The following USP42 variants were observed in gnomAD, a reference collection of about 807,000 sequenced individuals.
USP42 encodes the protein ubiquitin specific peptidase 42.
Under a neutral mutation model 113.0 loss-of-function variants are expected in USP42, and 23 were observed. The ratio of observed to expected loss-of-function variants is 0.20; its 90% CI spans 0.15 to 0.29. The LOEUF (loss-of-function observed/expected upper bound fraction) is 0.29. Among genes scored for constraint, USP42 ranks in the 10% least tolerant of loss-of-function variants. USP42 has a pLI of 1.00. For missense variants in USP42, 2,174 were observed against 1,779.8 expected (o/e 1.22, Z -3.99); for synonymous variants, 933 against 699.0 (o/e 1.33, Z -5.28).
rs199569334 is a variant in USP42 at position 6,153,934 on chromosome 7, A to G, written c.2380A>G (p.Met794Val). The part of the protein sequence containing the change: ...PATKEGAWEA[M>V]AVAPEEPPPS... ...TACCAAAGAAGGCGCCTGGGAGGCC[A>G]TGGCCGTCGCCCCCGAGGAGCCTCC... Residue 794 changes from methionine to valine, a missense_variant, in exon 15 of 18, where the codon ATG (methionine) becomes GTG (valine). By Grantham distance (21) the Met-to-Val change is conservative. Transcript: ENST00000306177. 2.8e-3 allele frequency: 4,484 copies of G among 1,599,732 alleles called. 8 individuals are homozygous for G. The highest frequency in any genetic ancestry group is 3.1e-3 in the Non-Finnish European group (3,599 of 1,175,674).
At chr7:6,092,211 T>A in the USP42 span, among the ~76,000 whole-genome samples, 2 of 144,242 alleles carry the variant, frequency 1.4e-5, no homozygotes, top group African/African-American at 5.4e-5. Context: ...AGATTCTCGC[T>A]TTGTCGCCCA....
Position 6,158,670 on chromosome 7 carries a change from G to A in USP42, c.3944-780G>A, listed in dbSNP as rs754303445. Among the ~76,000 whole-genome samples the A allele has an allele frequency of 1.3e-5, 2 of 152,224 alleles. No homozygotes were observed. The highest frequency in any genetic ancestry group is 2.9e-5 in the Non-Finnish European group (2 of 68,052). Reference sequence around the variant, plus strand: ...CTGCCGGTGAGGACGGGTTGCCTGCGGGCCTTGTAGACGTTCTGGACATTT... The same window carrying A: ...CTGCCGGTGAGGACGGGTTGCCTGCAGGCCTTGTAGACGTTCTGGACATTT... On this transcript the variant is annotated intron_variant, in intron 16 of 17. Coordinates refer to ENST00000306177, the MANE Select transcript of USP42 (RefSeq NM_032172.3). This position sits in a 1 kb window ranked among gnomAD's most constrained non-coding sequence, Gnocchi z 4.2.
intron 8 of USP42, 34 bp downstream of exon 8, chr7:6,143,048 G>C: frequency 1.2e-6 from 2 of 1,610,116 alleles, no homozygotes; most frequent in Non-Finnish European, 1.7e-6. Flanking sequence ...CTTGATGCCG[G>C]CTTCTCCAGT....
chr7:6,148,800 CAG>C (rs1425594396), intron 12 of USP42, among the ~76,000 whole-genome samples: 5 of 152,204 alleles, frequency 3.3e-5, no homozygotes, highest in African/African-American at 1.2e-4. Context: ...TGAGGTATAA[CAG>C]AGTCACACAT....
the USP42 span, among the ~76,000 whole-genome samples, chr7:6,092,381 G>T: frequency 6.7e-6 from 1 of 150,310 alleles, no homozygotes; most frequent in South Asian, 2.1e-4. Context: ...GTTTCACCAT[G>T]TTGGCCAGGC....
rs1265238973 is a variant in USP42, at chr7:6,159,999, C to T, written c.*36+506C>T. Among the ~76,000 whole-genome samples, 1 of 152,238 alleles carries T rather than the reference C, an allele frequency of 6.6e-6. No homozygotes were observed. Among genetic ancestry groups the T allele is most frequent in the African/African-American group, 2.4e-5 (1 of 41,462 alleles). On this transcript the variant is annotated intron_variant, in intron 17 of 17. Transcript: ENST00000306177. This position sits in a 1 kb window ranked among gnomAD's most constrained non-coding sequence, Gnocchi z 4.1. ...AAACCATAGGAAGGTGGCCCAGGGC[C>T]GGGCGGCAGATCAGGACCTCGGAGC...
At chr7:6,093,596 T>C in the USP42 span, among the ~76,000 whole-genome samples, 1 of 150,146 alleles carries the variant, frequency 6.7e-6, no homozygotes. Context: ...CTTTTTTCTT[T>C]CTTTCACCTT....
chr7:6,116,910 A>G, intron 3 of USP42: 1 of 511,736 alleles, frequency 2.0e-6, no homozygotes, highest in Non-Finnish European at 3.9e-6. Context: ...ACCAAGACAA[A>G]ATTCAGAAGC....
rs1006059279 is a variant in USP42, at chr7:6,158,203, C to T, written c.3943+1148C>T. 1.3e-5 allele frequency among the ~76,000 whole-genome samples: 2 copies of T among 152,262 alleles called. No homozygotes were observed. The highest frequency in any genetic ancestry group is 1.9e-4 in the East Asian group (1 of 5,194). On this transcript the variant is annotated intron_variant, in intron 16 of 17. Coordinates refer to ENST00000306177, the MANE Select transcript of USP42 (RefSeq NM_032172.3). The surrounding 1 kb of genome is among the most constrained non-coding windows in gnomAD (Gnocchi z 4.2). Reference sequence around the variant, plus strand: ...GGCTTGATTGGGGCGCAGCCAGGTGCGTTCCCACGCTGTCTGGCGGCTTCG... The same window carrying T: ...GGCTTGATTGGGGCGCAGCCAGGTGTGTTCCCACGCTGTCTGGCGGCTTCG...
the USP42 span, among the ~76,000 whole-genome samples, chr7:6,086,266 C>T: frequency 2.7e-3 from 383 of 140,734 alleles, 14 homozygotes; most frequent in African/African-American, 0.01. Flanking sequence ...AGTGTAGTGG[C>T]GCGATCTCAG....
At chr7:6,109,437 G>A (rs753102162) in intron 1 of USP42, among the ~76,000 whole-genome samples, 1 of 152,168 alleles carries the variant, frequency 6.6e-6, no homozygotes, top group African/African-American at 2.4e-5. Context: ...CTCTATGTCA[G>A]TCTGGAGTGC....
intron 3 of USP42, chr7:6,116,845 G>A (rs1169021822): frequency 1.9e-6 from 1 of 533,108 alleles, no homozygotes; most frequent in South Asian, 1.4e-5. Context: ...TGCGCTTAAT[G>A]AAAGTAGGGT....
At chr7:6,147,972 G>C (rs1213200356) in intron 12 of USP42, 80 bp downstream of exon 12, 4 of 1,390,124 alleles carry the variant, frequency 2.9e-6, no homozygotes, top group Non-Finnish European at 3.9e-6. Context: ...AATTGTAGTG[G>C]TTGCTGTGTC....
In USP42 at chr7:6,159,434, G is replaced by C; in HGVS notation, c.3944-16G>C. ...CAACCATCATTAAAATCTCTTTCCT[G>C]ACCTTTGCTTTCTAGGTGATTGAAA... On this transcript the variant is annotated splice_polypyrimidine_tract_variant and intron_variant, in intron 16 of 17. Coordinates refer to ENST00000306177, the MANE Select transcript of USP42 (RefSeq NM_032172.3). The surrounding 1 kb of genome is among the most constrained non-coding windows in gnomAD (Gnocchi z 4.1). 1.9e-6 allele frequency: 3 copies of C among 1,613,938 alleles called. No homozygotes were observed. The highest frequency in any genetic ancestry group is 2.5e-6 in the Non-Finnish European group (3 of 1,179,882).
chr7:6,123,358 A>T lies in USP42; in HGVS notation c.442+7835A>T, dbSNP rs535719829. ...AGCTACATAGTGAGACCCTCTCTGT[A>T]TAATATAAAATATTAAAAAATTGGG... is the stretch of plus-strand genomic sequence containing the variant. On this transcript the variant is annotated intron_variant, in intron 3 of 17. Transcript: ENST00000306177. Among the ~76,000 whole-genome samples, 4 of 151,924 alleles carry T rather than the reference A, an allele frequency of 2.6e-5. No individual in the cohort carries two copies. The East Asian group carries it at 7.8e-4, about 29-fold the overall frequency.
chr7:6,160,801 G>C lies in USP42; in HGVS notation c.*283G>C, dbSNP rs570846912. 4.6e-5 allele frequency: 7 copies of C among 152,678 alleles called. No individual in the cohort carries two copies. The highest frequency in any genetic ancestry group is 1.7e-4 in the African/African-American group (7 of 41,534). 9.5% of individuals were successfully genotyped at this position (152,678 alleles called of 1,614,324 possible). ...CCCATTGAAATAATGCCCTGGAATAGAACATCTCAAATGCTGCTTAATTAC... is the reference window on the plus strand; with the variant it reads ...CCCATTGAAATAATGCCCTGGAATACAACATCTCAAATGCTGCTTAATTAC... On this transcript the variant is annotated 3_prime_UTR_variant, in exon 18 of 18. Coordinates refer to ENST00000306177, the MANE Select transcript of USP42 (RefSeq NM_032172.3).
upstream of USP42, among the ~76,000 whole-genome samples, chr7:6,102,500 G>A (rs570164867): frequency 2.0e-5 from 3 of 149,662 alleles, no homozygotes; most frequent in Admixed American, 6.6e-5. Context: ...GGTGGCTCAT[G>A]CCTGTAATCC....
the USP42 span, among the ~76,000 whole-genome samples, chr7:6,086,354 T>C: frequency 2.0e-5 from 3 of 150,734 alleles, no homozygotes; most frequent in Non-Finnish European, 2.9e-5. Context: ...TACAGGTGCC[T>C]GCCACCATGC....
At chr7:6,146,102 G>T (rs1199071177) in intron 10 of USP42, 46 bp from the exon 11 acceptor site, 1 of 1,320,776 alleles carries the variant, frequency 7.6e-7, no homozygotes, top group Non-Finnish European at 1.1e-6. Flanking sequence ...TATGTTCCAT[G>T]TTTAATTAAA....
Sources: gnomAD v4.1 joint callset for allele counts (sites outside exome capture counted in the v4.1 genomes callset) on GRCh38, gnomAD v4.1.1 for gene constraint, Gnocchi (gnomAD v3.1) non-coding constraint, MANE v1.5 for transcripts, NCBI Gene and HGNC (gene_info 2026-07-23, HGNC 2026-07-21) for gene names.